Variants in WWP2 observed in about 807,000 individuals in gnomAD.
The protein encoded by WWP2 is NEDD4-like E3 ubiquitin-protein ligase WWP2.
In WWP2, 57 loss-of-function variants were observed where a neutral mutation model predicts 121.0. That is an observed-to-expected ratio of 0.47 (90% CI 0.38 to 0.59). WWP2 has a LOEUF of 0.59. Ranked by LOEUF, WWP2 falls within the 20% of genes least tolerant of loss-of-function variation. The pLI is 0.00. For synonymous variants in WWP2, 449 were observed against 441.3 expected (o/e 1.02, Z -0.22); for missense variants, 962 against 1,158.9 (o/e 0.83, Z 2.47).
intron 1 of WWP2, among the ~76,000 whole-genome samples, chr16:69,763,658 G>C (rs1045367518): frequency 4.6e-5 from 7 of 152,218 alleles, no homozygotes; most frequent in African/African-American, 1.7e-4. Flanking sequence ...ACTTACGAGA[G>C]ACGACTTGAT....
chr16:69,793,303 G>A (rs1045987038), intron 2 of WWP2, among the ~76,000 whole-genome samples: 7 of 152,128 alleles, frequency 4.6e-5, no homozygotes, highest in Non-Finnish European at 1.0e-4. Context: ...AGTGAGTCAA[G>A]ATTGCACCAC....
At chr16:69,873,167 A>AG (rs1214135728) in intron 7 of WWP2, among the ~76,000 whole-genome samples, 1 of 152,206 alleles carries the variant, frequency 6.6e-6, no homozygotes, top group Non-Finnish European at 1.5e-5. Context: ...TTTTCACGGA[A>AG]GTGTTGTTGT....
intron 6 of WWP2, among the ~76,000 whole-genome samples, chr16:69,868,661 G>GCACA (rs57674223): frequency 0.027 from 4,000 of 149,288 alleles, 73 homozygotes; most frequent in Middle Eastern, 0.065. Flanking sequence ...ATACACATGT[G>GCACA]CACACACACA....
At chr16:69,855,032 T>G (rs1457998788) in intron 6 of WWP2, among the ~76,000 whole-genome samples, 1 of 151,868 alleles carries the variant, frequency 6.6e-6, no homozygotes, top group Non-Finnish European at 1.5e-5. Flanking sequence ...ATTTTTAAAA[T>G]TTTTTGTAGA....
chr16:69,798,554 C>G, intron 2 of WWP2, 128 bp from the exon 3 acceptor site: 1 of 1,091,782 alleles, frequency 9.2e-7, no homozygotes, highest in East Asian at 2.9e-5. Flanking sequence ...TTTTTAGAAT[C>G]AAGACAAAAC....
At chr16:69,817,659 CTTTTTT>C (rs200998762) in intron 4 of WWP2, among the ~76,000 whole-genome samples, 3 of 119,954 alleles carry the variant, frequency 2.5e-5, no homozygotes, top group Non-Finnish European at 3.5e-5. Flanking sequence ...TTGTTAAACT[CTTTTTT>C]TTTTTTTTTT....
At chr16:69,892,893 A>C (rs2058051591) in intron 8 of WWP2, among the ~76,000 whole-genome samples, 1 of 152,254 alleles carries the variant, frequency 6.6e-6, no homozygotes, top group African/African-American at 2.4e-5. Flanking sequence ...AGAATGCTCC[A>C]GTGGCTTCAT....
rs1202553262 is a variant in WWP2 at position 69,842,065 on chromosome 16, G to A, written c.520G>A (p.Ala174Thr). ...GAGAGACTCCAGTGGAACAGCAGTA[G>A]CTCCAGAGAACCGGCACCAGCCCCC... ...PSRDSSGTAVAPENRHQPPST... is the reference protein window; with the variant it reads ...PSRDSSGTAVTPENRHQPPST... Residue 174 changes from alanine (A) to threonine (T), a missense_variant, in exon 6 of 24, where the codon GCT becomes ACT. Ala to Thr is a moderately conservative substitution (Grantham distance 58). Transcript: ENST00000359154. 1 of 1,613,524 alleles carries A rather than the reference G, an allele frequency of 6.2e-7. No homozygotes were observed. The highest frequency in any genetic ancestry group is 8.5e-7 in the Non-Finnish European group (1 of 1,179,842).
At chr16:69,908,334 G>T (rs985101311) in intron 8 of WWP2, among the ~76,000 whole-genome samples, 1 of 152,154 alleles carries the variant, frequency 6.6e-6, no homozygotes, top group East Asian at 1.9e-4. Context: ...ATCTTGTGGA[G>T]GGGTCTATGA....
At chr16:69,878,707 T>C (rs1475914167) in intron 7 of WWP2, among the ~76,000 whole-genome samples, 1 of 152,152 alleles carries the variant, frequency 6.6e-6, no homozygotes, top group African/African-American at 2.4e-5. Flanking sequence ...TTCTTTGCTT[T>C]TTAAAAGTGA....
Position 69,940,017 on chromosome 16 carries a change from C to A in WWP2, c.*77C>A. The A allele has an allele frequency of 7.8e-7, 1 of 1,285,240 alleles. No homozygotes were observed. Among genetic ancestry groups the A allele is most frequent in the Non-Finnish European group, 1.1e-6 (1 of 918,354 alleles). The allele number at this position is 1,285,240 out of a possible 1,614,324, so 79.6% of individuals were successfully genotyped here. On this transcript the variant is annotated 3_prime_UTR_variant, in exon 24 of 24. Coordinates refer to ENST00000359154, the MANE Select transcript of WWP2 (RefSeq NM_001270454.2). ...CCTGCCTGAGAGGCCACTGGCCCCG[C>A]AGCCCTTGGGAGGCCCCCGTGGATG...
At chr16:69,872,725 G>T (rs1354544983) in intron 7 of WWP2, among the ~76,000 whole-genome samples, 1 of 152,228 alleles carries the variant, frequency 6.6e-6, no homozygotes, top group Non-Finnish European at 1.5e-5. Context: ...ACTACTTGGG[G>T]GTGTGCAGGG....
At chr16:69,766,437 A>G (rs916205303) in intron 1 of WWP2, among the ~76,000 whole-genome samples, 12 of 152,064 alleles carry the variant, frequency 7.9e-5, no homozygotes, top group Admixed American at 1.3e-4. Context: ...GCCCAACTCA[A>G]ACCCTCCAAT....
In WWP2 at chr16:69,799,355, G is replaced by A. The variant is rs1597687119; in HGVS notation, c.340+60G>A. On this transcript the variant is annotated intron_variant, in intron 4 of 23. Coordinates refer to ENST00000359154, the MANE Select transcript of WWP2 (RefSeq NM_001270454.2). This position sits in a 1 kb window ranked among gnomAD's most constrained non-coding sequence, Gnocchi z 4.5. ...TGGGTGGGGATGGGAGGACCTGGCA[G>A]ATCAACCTGGTATTGCAATTTCCCC... The A allele has an allele frequency of 2.5e-6, 4 of 1,581,060 alleles. No individual in the cohort carries two copies. In the East Asian group the frequency reaches 9.0e-5, roughly 36 times the overall value.
At chr16:69,869,475 C>G (rs937730065) in intron 6 of WWP2, among the ~76,000 whole-genome samples, 1 of 151,498 alleles carries the variant, frequency 6.6e-6, no homozygotes, top group African/African-American at 2.4e-5. Flanking sequence ...TCCCAAGTAC[C>G]TGGGACCACA....
intron 4 of WWP2, among the ~76,000 whole-genome samples, chr16:69,815,787 GAAA>G (rs767903816): frequency 1.0e-5 from 1 of 95,972 alleles, no homozygotes; most frequent in Non-Finnish European, 2.2e-5. Flanking sequence ...ACTCCGTCTC[GAAA>G]AAAAAAAAAA....
intron 7 of WWP2, among the ~76,000 whole-genome samples, chr16:69,882,342 AT>A (rs930373435): frequency 9.2e-5 from 14 of 151,986 alleles, no homozygotes; most frequent in Admixed American, 5.9e-4. Flanking sequence ...TTAGTTTTTA[AT>A]TTTTTTTATT....
intron 7 of WWP2, among the ~76,000 whole-genome samples, chr16:69,882,029 A>T (rs1485381594): frequency 6.6e-6 from 1 of 151,832 alleles, no homozygotes; most frequent in African/African-American, 2.4e-5. Flanking sequence ...CATGTTGACC[A>T]AGCTGGTCTC....
intron 1 of WWP2, among the ~76,000 whole-genome samples, chr16:69,772,968 C>T (rs2055447840): frequency 6.6e-6 from 1 of 152,132 alleles, no homozygotes; most frequent in South Asian, 2.1e-4. Context: ...TGGGTTTTCA[C>T]CTTTTTGTAT....
Sources: allele counts gnomAD v4.1 joint callset (sites outside exome capture counted in the v4.1 genomes callset), GRCh38; gene constraint gnomAD v4.1.1; non-coding constraint Gnocchi (gnomAD v3.1); transcripts MANE v1.5; gene names NCBI Gene and HGNC (gene_info 2026-07-23, HGNC 2026-07-21).